The following ANKRD31 variants were observed in gnomAD, a reference collection of about 807,000 sequenced individuals.
ANKRD31 encodes ankyrin repeat domain-containing protein 31.
In ANKRD31, 147 loss-of-function variants were observed where a neutral mutation model predicts 186.0. The ratio of observed to expected loss-of-function variants is 0.79; its 90% CI spans 0.69 to 0.91. ANKRD31 has a LOEUF of 0.91. Ranked by LOEUF, ANKRD31 falls within the 40% of genes least tolerant of loss-of-function variation. ANKRD31 has a pLI of 0.00. For synonymous variants in ANKRD31, 673 were observed against 736.4 expected (o/e 0.91, Z 1.39); for missense variants, 1,986 against 2,148.8 (o/e 0.92, Z 1.50).
At position 75,147,370 on chromosome 5, in the gene ANKRD31, A is replaced by G; in HGVS notation, c.2041T>C (p.Tyr681His). 1 of 1,528,706 alleles carries G rather than the reference A, an allele frequency of 6.5e-7. No homozygotes were observed. The highest frequency in any genetic ancestry group is 8.7e-7 in the Non-Finnish European group (1 of 1,143,424). 94.7% of individuals were successfully genotyped at this position (1,528,706 alleles called of 1,614,324 possible). A position where few individuals can be genotyped will look rare whatever the true frequency, so the allele number is the denominator to read the frequency against. ...GTGTTTTTGGGATCTTTTTGGTAAT[A>G]TTCATATACATCTTCTTTATTTATA... ...LFINKEDVYE[Y>H]YQKDPKNTKF... is the part of the protein sequence containing the mutation. The change falls in exon 14 of 26, where the codon TAT (tyrosine) becomes CAT (histidine). Residue 681 changes from tyrosine (Y) to histidine (H), a missense_variant. Physicochemically the swap from Tyr to His is moderately conservative, Grantham distance 83. Coordinates refer to ENST00000506364, the MANE Select transcript of ANKRD31 (RefSeq NM_001372053.1).
chr5:75,076,865 T>A (rs933165904), intron 25 of ANKRD31, among the ~76,000 whole-genome samples: 1 of 152,182 alleles, frequency 6.6e-6, no homozygotes, highest in Non-Finnish European at 1.5e-5. Flanking sequence ...TATCTTTCTA[T>A]CATATCACAA....
chr5:75,097,963 G>A (rs573387116), intron 22 of ANKRD31, among the ~76,000 whole-genome samples: 79 of 151,862 alleles, frequency 5.2e-4, no homozygotes, highest in Middle Eastern at 3.5e-3. Context: ...AGATCAGATC[G>A]TTGTAGATGT....
rs182983586 is a variant in ANKRD31, at chr5:75,155,186, C to T, written c.1708-841G>A. ...CAAAATAAGTTTCCCTCCTCTACCCCTGTTCTATTATTTTTTCCTGAGTCA... is the reference window on the plus strand; with the variant it reads ...CAAAATAAGTTTCCCTCCTCTACCCTTGTTCTATTATTTTTTCCTGAGTCA... On this transcript the variant is annotated intron_variant, in intron 11 of 25. Transcript: ENST00000506364. 5.9e-5 allele frequency among the ~76,000 whole-genome samples: 9 copies of T among 152,100 alleles called. No homozygotes were observed. In the East Asian group the frequency reaches 1.7e-3, roughly 29 times the overall value.
At chr5:75,218,098 G>C (rs142513058) in intron 3 of ANKRD31, among the ~76,000 whole-genome samples, 1 of 152,110 alleles carries the variant, frequency 6.6e-6, no homozygotes, top group Admixed American at 6.6e-5. Flanking sequence ...AAAAATCAGA[G>C]CTGAACTGAA....
chr5:75,122,064 G>T (rs1748834249), intron 17 of ANKRD31, among the ~76,000 whole-genome samples: 1 of 151,950 alleles, frequency 6.6e-6, no homozygotes, highest in African/African-American at 2.4e-5. Flanking sequence ...TTGATAAATT[G>T]CTATCTAGAC....
chr5:75,159,744 A>G (rs1164615940), intron 11 of ANKRD31, among the ~76,000 whole-genome samples: 1 of 152,066 alleles, frequency 6.6e-6, no homozygotes, highest in East Asian at 1.9e-4. Context: ...CTGGGCTGAA[A>G]GCAAGTGACA....
chr5:75,210,828 T>A lies in ANKRD31; in HGVS notation c.326A>T (p.Gln109Leu). ...TGAAGCCAAAAATTAGTATACTTAC[T>A]GTAACAGAGCTTGATTTCGTTCTGT... ...DETERNQALL[Q>L]TRKNCSMFIG... The change falls in exon 4 of 26, where the codon CAG becomes CTG. Residue 109 changes from glutamine (Q) to leucine (L), a missense_variant and splice_region_variant. By Grantham distance (113) the Gln-to-Leu change is moderately radical. Transcript: ENST00000506364. 6.6e-7 allele frequency: 1 copy of A among 1,508,900 alleles called. No homozygotes were observed. The highest frequency in any genetic ancestry group is 1.3e-5 in the South Asian group (1 of 76,816). The allele number at this position is 1,508,900 out of a possible 1,614,324, so 93.5% of individuals were successfully genotyped here. A position where few individuals can be genotyped will look rare whatever the true frequency, so the allele number is the denominator to read the frequency against.
Position 75,175,078 on chromosome 5 carries a change from A to G in ANKRD31, c.1565-5957T>C, listed in dbSNP as rs190002408. Among the ~76,000 whole-genome samples the G allele has an allele frequency of 5.1e-3, 776 of 152,356 alleles. 5 individuals are homozygous for G. The highest frequency in any genetic ancestry group is 0.017 in the African/African-American group (710 of 41,594). ...AAAAGGATGAGTTCATGTCCTTTGC[A>G]GGGACATGAATGAAGCTGGAAACCA... On this transcript the variant is annotated intron_variant, in intron 10 of 25. Transcript: ENST00000506364.
chr5:75,109,749 CTTG>C (rs1747616045), intron 20 of ANKRD31, among the ~76,000 whole-genome samples: 1 of 151,956 alleles, frequency 6.6e-6, no homozygotes, highest in South Asian at 2.1e-4. Context: ...GTCCTGAGGA[CTTG>C]TTGTGAAGCC....
chr5:75,133,348 AC>A (rs1348695548), intron 17 of ANKRD31, among the ~76,000 whole-genome samples: 1 of 152,110 alleles, frequency 6.6e-6, no homozygotes, highest in Non-Finnish European at 1.5e-5. Flanking sequence ...AAAAAAAAAA[AC>A]AAGTATTGCA....
At chr5:75,218,244 T>A (rs1434698421) in intron 3 of ANKRD31, among the ~76,000 whole-genome samples, 3 of 151,974 alleles carry the variant, frequency 2.0e-5, no homozygotes, top group Non-Finnish European at 4.4e-5. Context: ...TAAACACAGT[T>A]AGAAATGGCA....
chr5:75,077,414 G>C (rs968978492), intron 25 of ANKRD31, among the ~76,000 whole-genome samples: 17 of 152,028 alleles, frequency 1.1e-4, no homozygotes, highest in African/African-American at 3.6e-4. Flanking sequence ...AAGATTAAAA[G>C]CCACCTGAAA....
At chr5:75,208,592 G>C (rs149229629) in intron 4 of ANKRD31, among the ~76,000 whole-genome samples, 1 of 152,158 alleles carries the variant, frequency 6.6e-6, no homozygotes, top group Non-Finnish European at 1.5e-5. Flanking sequence ...TCAGAGAAAA[G>C]ACTAAAAGTC....
chr5:75,207,074 T>C (rs1374456666), intron 4 of ANKRD31, among the ~76,000 whole-genome samples: 1 of 152,176 alleles, frequency 6.6e-6, no homozygotes, highest in Non-Finnish European at 1.5e-5. Context: ...GCTAACTGTA[T>C]TTTTTCTCAG....
At chr5:75,144,514 T>C (rs899095014) in intron 14 of ANKRD31, among the ~76,000 whole-genome samples, 2 of 152,116 alleles carry the variant, frequency 1.3e-5, no homozygotes, top group African/African-American at 2.4e-5. Context: ...ATTTAATAAA[T>C]GGTGTTGGGA....
intron 22 of ANKRD31, among the ~76,000 whole-genome samples, chr5:75,095,342 C>T (rs1276647501): frequency 2.0e-5 from 3 of 151,966 alleles, no homozygotes; most frequent in African/African-American, 4.8e-5. Flanking sequence ...GGTGTGGTGG[C>T]GGATGCCTGT....
chr5:75,129,038 G>A (rs536416406), intron 17 of ANKRD31, among the ~76,000 whole-genome samples: 1 of 152,270 alleles, frequency 6.6e-6, no homozygotes, highest in African/African-American at 2.4e-5. Context: ...TGTTGGAGGT[G>A]GGGTCTGGTG....
intron 10 of ANKRD31, among the ~76,000 whole-genome samples, chr5:75,176,610 C>G (rs902105917): frequency 1.3e-5 from 2 of 152,178 alleles, no homozygotes; most frequent in Non-Finnish European, 2.9e-5. Flanking sequence ...GCTGCTGATA[C>G]CCAGACAAGC....
At chr5:75,122,382 T>C (rs529643524) in intron 17 of ANKRD31, among the ~76,000 whole-genome samples, 1 of 151,388 alleles carries the variant, frequency 6.6e-6, no homozygotes, top group South Asian at 2.1e-4. Context: ...ATGAAACTGT[T>C]CCAAAAAAAA....
Sources: gnomAD v4.1 joint callset for allele counts (sites outside exome capture counted in the v4.1 genomes callset) on GRCh38, gnomAD v4.1.1 for gene constraint, MANE v1.5 for transcripts, NCBI Gene and HGNC (gene_info 2026-07-23, HGNC 2026-07-21) for gene names.